ATP11A: variants seen among roughly 807,000 people sequenced by gnomAD.
The protein encoded by ATP11A is ATPase phospholipid transporting 11A, also known as phospholipid-transporting ATPase IH.
A neutral mutation model predicts 154.4 loss-of-function variants in ATP11A; 81 were observed. The ratio of observed to expected loss-of-function variants is 0.52; its 90% confidence interval spans 0.44 to 0.63. The LOEUF (loss-of-function observed/expected upper bound fraction) is 0.63. Ranked by LOEUF, ATP11A falls within the 30% of genes least tolerant of loss-of-function variation. The pLI is 0.00. For synonymous variants in ATP11A, 623 were observed against 585.9 expected, an observed-to-expected ratio of 1.06 and a Z score of -0.91; for missense variants, 1,316 against 1,474.3, an observed-to-expected ratio of 0.89 and a Z score of 1.76.
At chr13:112,741,827 C>T (rs371451952) in intron 1 of ATP11A, among the ~76,000 whole-genome samples, 5 of 152,234 alleles carry the variant, frequency 3.3e-5, no homozygotes, top group East Asian at 3.9e-4. Context: ...GTGACTGTTC[C>T]GGGTCCAGGG....
chr13:112,843,725 A>G (rs1221698791), intron 17 of ATP11A, among the ~76,000 whole-genome samples: 1 of 152,220 alleles, frequency 6.6e-6, no homozygotes, highest in Non-Finnish European at 1.5e-5. Flanking sequence ...CAGAGCATTA[A>G]GAATTCCTGC....
chr13:112,768,541 T>C (rs2077151818), intron 1 of ATP11A, among the ~76,000 whole-genome samples: 1 of 152,192 alleles, frequency 6.6e-6, no homozygotes, highest in Admixed American at 6.5e-5. Flanking sequence ...AGATATATAT[T>C]CAATATTTTG....
intron 18 of ATP11A, among the ~76,000 whole-genome samples, chr13:112,853,762 A>G (rs954863693): frequency 2.0e-5 from 3 of 152,246 alleles, no homozygotes; most frequent in Non-Finnish European, 4.4e-5. Context: ...CCTGTTGGCC[A>G]TAGAATCACT....
intron 1 of ATP11A, among the ~76,000 whole-genome samples, chr13:112,774,542 T>G (rs921649028): frequency 1.3e-5 from 2 of 152,186 alleles, no homozygotes; most frequent in Non-Finnish European, 2.9e-5. Flanking sequence ...AAATGTGCGA[T>G]GTGCTGCACC....
At chr13:112,831,610 T>G in intron 13 of ATP11A, 62 bp downstream of exon 13, 1 of 1,561,008 alleles carries the variant, frequency 6.4e-7, no homozygotes, top group Non-Finnish European at 8.7e-7. Flanking sequence ...GCATGCTGAG[T>G]CCACCCCTTT....
intron 1 of ATP11A, among the ~76,000 whole-genome samples, chr13:112,701,696 G>A (rs1019144499): frequency 6.6e-6 from 1 of 152,032 alleles, no homozygotes; most frequent in South Asian, 2.1e-4. Context: ...AGCTGGGCGT[G>A]GTGGCGGGCG....
chr13:112,862,414 A>T (rs941209700), intron 24 of ATP11A, 26 bp from the exon 25 acceptor site: 1 of 1,612,420 alleles, frequency 6.2e-7, no homozygotes, highest in Non-Finnish European at 8.5e-7. Context: ...TCGAGGACAC[A>T]CGCTGTGCAC....
At chr13:112,793,021 C>T (rs996815205) in intron 2 of ATP11A, among the ~76,000 whole-genome samples, 8 of 152,166 alleles carry the variant, frequency 5.3e-5, no homozygotes, top group African/African-American at 1.9e-4. Context: ...TAAATGATTT[C>T]CATGTTTATT....
chr13:112,865,990 C>T (rs928606870), intron 25 of ATP11A, among the ~76,000 whole-genome samples: 8 of 152,360 alleles, frequency 5.3e-5, no homozygotes, highest in Admixed American at 2.6e-4. Flanking sequence ...GTTAGATTTC[C>T]CCGAGTACCA....
intron 26 of ATP11A, 115 bp downstream of exon 26, chr13:112,871,915 C>A: frequency 8.5e-7 from 1 of 1,172,100 alleles, no homozygotes; most frequent in Non-Finnish European, 1.3e-6. Flanking sequence ...GGAAGCCACT[C>A]TCCACCCAGC....
At position 112,826,728 on chromosome 13, in the gene ATP11A, T is replaced by C. The variant is rs779663223; in HGVS notation, c.1058T>C (p.Met353Thr). 1.2e-5 allele frequency: 19 copies of C among 1,614,258 alleles called. No individual in the cohort carries two copies. The highest frequency in any genetic ancestry group is 1.4e-5 in the Non-Finnish European group (16 of 1,180,044). Residue 353 changes from methionine to threonine, a missense_variant, in exon 12 of 30, where the codon ATG becomes ACG. This residue lies in a region of ATP11A where 876 missense variants were observed against 1,006.8 expected (regional missense o/e 0.87). Coordinates refer to ENST00000375645, the MANE Select transcript of ATP11A (RefSeq NM_015205.3). ...LKAFTDFLAF[M>T]VLFNYIIPVS... ...GCATTCACGGACTTCCTGGCCTTCATGGTCCTCTTTAACTACATCATCCCT... is the reference window on the plus strand; with the variant it reads ...GCATTCACGGACTTCCTGGCCTTCACGGTCCTCTTTAACTACATCATCCCT...
intron 1 of ATP11A, among the ~76,000 whole-genome samples, chr13:112,781,885 C>T (rs550177157): frequency 5.9e-5 from 9 of 151,844 alleles, no homozygotes; most frequent in South Asian, 2.1e-4. Flanking sequence ...TGTATGTTTC[C>T]GACCTTCCTG....
intron 5 of ATP11A, among the ~76,000 whole-genome samples, chr13:112,815,169 C>A (rs913739567): frequency 2.4e-4 from 37 of 152,176 alleles, no homozygotes; most frequent in African/African-American, 8.2e-4. Flanking sequence ...CAATGGCTTC[C>A]TCACCCTTCA....
In ATP11A at chr13:112,828,001, A is replaced by G. The variant is rs373732010; in HGVS notation, c.1221+1110A>G. 1.3e-3 allele frequency among the ~76,000 whole-genome samples: 197 copies of G among 152,406 alleles called. 1 individual carries two copies. Among genetic ancestry groups the G allele is most frequent in the African/African-American group, 4.1e-3 (170 of 41,602 alleles). On this transcript the variant is annotated intron_variant, in intron 12 of 29. Transcript: ENST00000375645. ...TATTCTATCTCCTTTGCAACAATAG[A>G]TGGTACATTTTGTGAGCTTCTGATA... is the stretch of plus-strand genomic sequence containing the variant.
chr13:112,854,141 T>C, intron 18 of ATP11A, 138 bp from the exon 19 acceptor site: 1 of 1,163,616 alleles, frequency 8.6e-7, no homozygotes, highest in Non-Finnish European at 1.2e-6. Context: ...GGTGAGATCA[T>C]GAGCCACAGT....
intron 1 of ATP11A, among the ~76,000 whole-genome samples, chr13:112,691,201 A>C (rs1885123119): frequency 6.6e-6 from 1 of 151,966 alleles, no homozygotes; most frequent in African/African-American, 2.4e-5. Flanking sequence ...GCGGTGGCTC[A>C]CGCCTGTAAT....
Position 112,832,959 on chromosome 13 carries a change from G to A in ATP11A, c.1495G>A (p.Gly499Arg). 1.2e-6 allele frequency: 2 copies of A among 1,613,942 alleles called. No individual in the cohort carries two copies. Among genetic ancestry groups the A allele is most frequent in the Non-Finnish European group, 1.7e-6 (2 of 1,179,940 alleles). Residue 499 changes from glycine (G) to arginine (R), a missense_variant, in exon 14 of 30, where the codon GGG (glycine) becomes AGG (arginine). This residue lies in a region of ATP11A where 876 missense variants were observed against 1,006.8 expected (regional missense o/e 0.87). Coordinates refer to ENST00000375645, the MANE Select transcript of ATP11A (RefSeq NM_015205.3). ...VDGPRKSPDG[G>R]KSCVYISSSP... is the part of the protein sequence containing the mutation. ...CGGCCCCAGGAAATCGCCGGACGGG[G>A]GGAAATCCTGTGTGTACATCTCATC...
In ATP11A at chr13:112,690,284, C is replaced by G. The variant is rs921035204; in HGVS notation, c.-133C>G. 1 of 511,778 alleles carries G rather than the reference C, an allele frequency of 2.0e-6. No homozygotes were observed. Among genetic ancestry groups the G allele is most frequent in the African/African-American group, 2.1e-5 (1 of 48,084 alleles). 31.7% of individuals were successfully genotyped at this position (511,778 alleles called of 1,614,324 possible). A position where few individuals can be genotyped will look rare whatever the true frequency, so the allele number is the denominator to read the frequency against. On this transcript the variant is annotated 5_prime_UTR_variant, in exon 1 of 30. Transcript: ENST00000375645. The surrounding 1 kb of genome is among the most constrained non-coding windows in gnomAD (Gnocchi z 5.6). Reference sequence around the variant, plus strand: ...TGAGCGCGGAGGGGCCGCGGCCGCCCCCTGCACCGCCCGGCGCGCCGAGGC... The same window carrying G: ...TGAGCGCGGAGGGGCCGCGGCCGCCGCCTGCACCGCCCGGCGCGCCGAGGC...
chr13:112,832,890 T>C lies in ATP11A; in HGVS notation c.1426T>C (p.Cys476Arg). The change falls in exon 14 of 30, where the codon TGT becomes CGT. Residue 476 changes from cysteine to arginine, a missense_variant. Cys to Arg is a radical substitution (Grantham distance 180). This residue lies in a region of ATP11A where 876 missense variants were observed against 1,006.8 expected (regional missense o/e 0.87). Coordinates refer to ENST00000375645, the MANE Select transcript of ATP11A (RefSeq NM_015205.3). ...CGAGGAGCTGTTTTTCCGGGCCCTC[T>C]GTCTCTGCCACACCGTCCAGGTGAA... The part of the protein sequence containing the change: ...EREELFFRAL[C>R]LCHTVQVKDD... 1.2e-6 allele frequency: 2 copies of C among 1,613,852 alleles called. No homozygotes were observed. The highest frequency in any genetic ancestry group is 8.5e-7 in the Non-Finnish European group (1 of 1,179,800).
Sources: allele counts gnomAD v4.1 joint callset (sites outside exome capture counted in the v4.1 genomes callset), GRCh38; gene constraint gnomAD v4.1.1; regional missense constraint gnomAD v4.1.1; non-coding constraint Gnocchi (gnomAD v3.1); transcripts MANE v1.5; gene names NCBI Gene and HGNC (gene_info 2026-07-23, HGNC 2026-07-21).